Variants in GRM5 observed in about 807,000 individuals in gnomAD.
GRM5 encodes metabotropic glutamate receptor 5.
GRM5 carries 19 observed loss-of-function variants against 83.1 expected under a neutral mutation model. The ratio of observed to expected loss-of-function variants is 0.23; its 90% CI spans 0.16 to 0.34. The LOEUF (loss-of-function observed/expected upper bound fraction) is 0.34, where lower values mean the gene tolerates loss of function less well. Ranked by LOEUF, GRM5 falls within the 10% of genes least tolerant of loss-of-function variation. The pLI, the probability that GRM5 is intolerant of heterozygous loss-of-function variation, is 1.00. For missense variants in GRM5, 1,160 were observed against 1,588.3 expected, an observed-to-expected ratio of 0.73 and a Z score of 4.58; for synonymous variants, 675 against 633.6, an observed-to-expected ratio of 1.07 and a Z score of -0.98.
At chr11:88,795,215 C>A (rs183758325) in intron 3 of GRM5, among the ~76,000 whole-genome samples, 2 of 152,266 alleles carry the variant, frequency 1.3e-5, no homozygotes, top group Admixed American at 1.3e-4. Context: ...AATTCACAAG[C>A]GAGAAAGCAG....
chr11:88,510,222 A>G (rs1273072824), intron 9 of GRM5, among the ~76,000 whole-genome samples: 2 of 152,392 alleles, frequency 1.3e-5, no homozygotes, highest in East Asian at 1.9e-4. Flanking sequence ...TAACAGTTCA[A>G]TGAGTGAGAG....
chr11:88,547,767 C>T (rs575687685), intron 8 of GRM5, among the ~76,000 whole-genome samples: 3 of 152,214 alleles, frequency 2.0e-5, no homozygotes, highest in African/African-American at 4.8e-5. Context: ...CATACAGGCT[C>T]AAATTATTTC....
In GRM5 at chr11:88,854,331, G is replaced by A. The variant is rs146451256; in HGVS notation, c.662-4176C>T. ...GATTGCCATATTGTGTCTAGGGGGC[G>A]TCACTCTAATAAGCTATTATAAAAT... On this transcript the variant is annotated intron_variant, in intron 2 of 9. Transcript: ENST00000305447. 4.6e-3 allele frequency among the ~76,000 whole-genome samples: 693 copies of A among 151,750 alleles called. 3 individuals are homozygous for A. The highest frequency in any genetic ancestry group is 0.016 in the African/African-American group (655 of 41,412).
chr11:88,958,324 A>C (rs1167565715), intron 2 of GRM5, among the ~76,000 whole-genome samples: 3 of 151,164 alleles, frequency 2.0e-5, no homozygotes, highest in East Asian at 3.8e-4. Context: ...CAGATAAATA[A>C]ATCATAATTA....
At chr11:88,889,686 T>C (rs1044065136) in intron 2 of GRM5, among the ~76,000 whole-genome samples, 6 of 152,162 alleles carry the variant, frequency 3.9e-5, no homozygotes, top group Admixed American at 6.6e-5. Context: ...TCTTGGATCT[T>C]GTTTTCTGGA....
intron 2 of GRM5, among the ~76,000 whole-genome samples, chr11:89,028,966 G>A (rs1468978308): frequency 6.7e-6 from 1 of 150,106 alleles, no homozygotes; most frequent in East Asian, 2.0e-4. Flanking sequence ...TACCCTCCCT[G>A]TTCTCCTTCC....
chr11:88,796,682 G>A (rs912569194), intron 3 of GRM5, among the ~76,000 whole-genome samples: 4 of 152,066 alleles, frequency 2.6e-5, no homozygotes, highest in Non-Finnish European at 4.4e-5. Context: ...CATTATATAT[G>A]TCTTATAAAT....
At chr11:88,815,174 A>G (rs1308032310) in intron 3 of GRM5, among the ~76,000 whole-genome samples, 3 of 152,230 alleles carry the variant, frequency 2.0e-5, no homozygotes, top group Non-Finnish European at 4.4e-5. Context: ...ACCATATTCT[A>G]AGCCATAAAT....
At chr11:88,877,193 C>A (rs1565273066) in intron 2 of GRM5, among the ~76,000 whole-genome samples, 1 of 152,020 alleles carries the variant, frequency 6.6e-6, no homozygotes, top group Non-Finnish European at 1.5e-5. Context: ...GTATTATATA[C>A]TTCAAAGTAG....
chr11:89,036,936 T>C (rs1325320435), intron 2 of GRM5, among the ~76,000 whole-genome samples: 1 of 152,148 alleles, frequency 6.6e-6, no homozygotes, highest in Non-Finnish European at 1.5e-5. Context: ...AAGCTTCTCA[T>C]TCTCAAAAGA....
At chr11:88,617,582 T>C (rs1297846606) in intron 4 of GRM5, among the ~76,000 whole-genome samples, 1 of 152,156 alleles carries the variant, frequency 6.6e-6, no homozygotes, top group East Asian at 1.9e-4. Flanking sequence ...GTTTTTCCTT[T>C]TCTTCTAGCT....
rs1490236048 is a variant in GRM5, at chr11:88,951,623, T to C, written c.661+95589A>G. On this transcript the variant is annotated intron_variant, in intron 2 of 9. Transcript: ENST00000305447. ...GTGTGAGTTTTCGTTCAGAGAAATA[T>C]TGTCTATTTAACAGAGGAGAAACAG... is the stretch of plus-strand genomic sequence containing the variant. Among the ~76,000 whole-genome samples, 7 of 152,314 alleles carry C rather than the reference T, an allele frequency of 4.6e-5. No homozygotes were observed. In the South Asian group the frequency reaches 6.2e-4, roughly 14 times the overall value.
At chr11:88,777,158 C>T (rs1214262519) in intron 3 of GRM5, among the ~76,000 whole-genome samples, 1 of 152,042 alleles carries the variant, frequency 6.6e-6, no homozygotes, top group Non-Finnish European at 1.5e-5. Flanking sequence ...CTTCTCTAAC[C>T]TTGTCTTCTC....
intron 8 of GRM5, among the ~76,000 whole-genome samples, chr11:88,562,890 T>C (rs1307983288): frequency 6.6e-6 from 1 of 152,132 alleles, no homozygotes; most frequent in Non-Finnish European, 1.5e-5. Context: ...TGAGAAGACT[T>C]TTGTTTTCCC....
chr11:89,044,315 T>C (rs1284428701), intron 2 of GRM5, among the ~76,000 whole-genome samples: 1 of 152,200 alleles, frequency 6.6e-6, no homozygotes, highest in Non-Finnish European at 1.5e-5. Flanking sequence ...TATAAATCTC[T>C]TTGCCTAGAA....
At chr11:88,728,343 A>C (rs1941726810) in intron 3 of GRM5, among the ~76,000 whole-genome samples, 1 of 152,156 alleles carries the variant, frequency 6.6e-6, no homozygotes, top group Non-Finnish European at 1.5e-5. Flanking sequence ...CAAATCCCTG[A>C]ATAGACTAAT....
chr11:88,569,643 T>C (rs914309900), intron 7 of GRM5, among the ~76,000 whole-genome samples: 2 of 152,208 alleles, frequency 1.3e-5, no homozygotes, highest in African/African-American at 4.8e-5. Flanking sequence ...GCAGTTGTTT[T>C]GGACTTCAAG....
chr11:88,890,100 GA>G (rs761188291), intron 2 of GRM5, among the ~76,000 whole-genome samples: 20 of 108,760 alleles, frequency 1.8e-4, no homozygotes, highest in Non-Finnish European at 3.0e-4. Context: ...TTGGCCACCT[GA>G]AAGATATGGA....
At chr11:88,697,408 G>C (rs151201960) in intron 3 of GRM5, among the ~76,000 whole-genome samples, 2 of 152,158 alleles carry the variant, frequency 1.3e-5, no homozygotes, top group Non-Finnish European at 2.9e-5. Context: ...CCACAGATTA[G>C]GATAGTGCTC....
Sources: allele counts gnomAD v4.1 joint callset (sites outside exome capture counted in the v4.1 genomes callset), GRCh38; gene constraint gnomAD v4.1.1; transcripts MANE v1.5; gene names NCBI Gene and HGNC (gene_info 2026-07-23, HGNC 2026-07-21).